The following NOX4 variants were observed in gnomAD, a reference collection of about 807,000 sequenced individuals.
NOX4 encodes the protein kidney oxidase-1.
Under a neutral mutation model 87.6 loss-of-function variants are expected in NOX4, and 69 were observed. The observed-to-expected ratio is 0.79, with a 90% confidence interval of 0.65 to 0.96. NOX4 has a LOEUF of 0.96. NOX4 is among the 40% of genes least tolerant of loss of function. NOX4 has a pLI of 0.00. For missense variants in NOX4, 680 were observed against 681.5 expected (o/e 1.00, Z 0.02); for synonymous variants, 275 against 238.2 (o/e 1.15, Z -1.42).
At chr11:89,449,677 A>G (rs1210290846) in intron 3 of NOX4, among the ~76,000 whole-genome samples, 153 bp from the exon 4 acceptor site, 1 of 152,178 alleles carries the variant, frequency 6.6e-6, no homozygotes. Context: ...TATCTAGTTA[A>G]TGGGACACCT....
chr11:89,449,219 G>A (rs931434750), intron 4 of NOX4, among the ~76,000 whole-genome samples: 3 of 152,144 alleles, frequency 2.0e-5, no homozygotes, highest in Admixed American at 1.3e-4. Context: ...AATTTTACGT[G>A]TGGTTTAAAA....
At chr11:89,382,762 T>C (rs317168) in intron 11 of NOX4, among the ~76,000 whole-genome samples, 82,035 of 151,844 alleles carry the variant, frequency 0.54, 23,275 homozygotes, top group East Asian at 0.73. Context: ...CTTACAGTTT[T>C]GTTCTGTGAC....
chr11:89,427,164 G>T (rs1943466779), intron 7 of NOX4, among the ~76,000 whole-genome samples: 1 of 152,186 alleles, frequency 6.6e-6, no homozygotes, highest in Non-Finnish European at 1.5e-5. Context: ...TGAGGGTCCT[G>T]ACTGTTAGAA....
intron 17 of NOX4, among the ~76,000 whole-genome samples, chr11:89,333,512 G>T (rs1945563398): frequency 6.6e-6 from 1 of 151,708 alleles, no homozygotes; most frequent in South Asian, 2.1e-4. Flanking sequence ...GGCCAGAAGG[G>T]TTTAATGCAA....
chr11:89,568,391 C>T, the NOX4 span, among the ~76,000 whole-genome samples: 32 of 152,250 alleles, frequency 2.1e-4, no homozygotes, highest in African/African-American at 7.5e-4. Context: ...TTACCAACAA[C>T]ATCCAAGCTG....
chr11:89,350,679 G>C (rs574272840), intron 13 of NOX4, among the ~76,000 whole-genome samples: 19 of 152,286 alleles, frequency 1.2e-4, no homozygotes, highest in Non-Finnish European at 2.6e-4. Flanking sequence ...ACATACAGCA[G>C]TGGTTGTGAA....
chr11:89,361,482 T>TA (rs1379657149), intron 12 of NOX4, among the ~76,000 whole-genome samples: 6 of 151,982 alleles, frequency 3.9e-5, no homozygotes, highest in African/African-American at 7.2e-5. Context: ...GGGTGAGGGA[T>TA]AAAAAACTAC....
intron 7 of NOX4, among the ~76,000 whole-genome samples, chr11:89,429,772 G>A (rs999938195): frequency 1.3e-5 from 2 of 152,048 alleles, no homozygotes; most frequent in East Asian, 3.9e-4. Flanking sequence ...TTCTACCAGA[G>A]GTACAAGGAG....
intron 14 of NOX4, 54 bp from the exon 15 acceptor site, chr11:89,340,225 A>C (rs1179733050): frequency 2.6e-6 from 3 of 1,148,856 alleles, no homozygotes; most frequent in East Asian, 4.8e-5. Flanking sequence ...CAAATATTAA[A>C]GAATTCGTAT....
At chr11:89,512,229 A>C in the NOX4 span, among the ~76,000 whole-genome samples, 4 of 152,084 alleles carry the variant, frequency 2.6e-5, no homozygotes, top group African/African-American at 7.2e-5. Flanking sequence ...AGACATATCC[A>C]TCATTGCCAA....
At chr11:89,589,402 A>G in the NOX4 span, 1 of 152,236 alleles carries the variant, frequency 6.6e-6, no homozygotes, top group South Asian at 2.1e-4. Context: ...TAGAAGCCCT[A>G]TGTAATACTA....
At chr11:89,529,730 G>A in the NOX4 span, among the ~76,000 whole-genome samples, 3 of 152,170 alleles carry the variant, frequency 2.0e-5, no homozygotes, top group Non-Finnish European at 4.4e-5. Context: ...CTTAAGTTCT[G>A]TCTCCAGACA....
At chr11:89,453,141 G>A (rs1355875407) in intron 2 of NOX4, among the ~76,000 whole-genome samples, 1 of 152,168 alleles carries the variant, frequency 6.6e-6, no homozygotes, top group East Asian at 1.9e-4. Context: ...TGCAAAAACA[G>A]GCCTATTTCC....
chr11:89,355,123 T>C, intron 12 of NOX4, 80 bp from the exon 13 acceptor site: 1 of 1,047,898 alleles, frequency 9.5e-7, no homozygotes, highest in South Asian at 1.5e-5. Context: ...TATTTCCTAT[T>C]GGTTTATTTT....
At chr11:89,339,130 GTATA>G (rs1384451089) in intron 15 of NOX4, among the ~76,000 whole-genome samples, 1 of 152,026 alleles carries the variant, frequency 6.6e-6, no homozygotes, top group Non-Finnish European at 1.5e-5. Flanking sequence ...GCACAAAGAG[GTATA>G]TATAATGATA....
chr11:89,564,743 G>GT, the NOX4 span, among the ~76,000 whole-genome samples: 1 of 117,586 alleles, frequency 8.5e-6, no homozygotes. Flanking sequence ...TGTTGTTGTT[G>GT]TTTGTTTTTT....
intron 7 of NOX4, among the ~76,000 whole-genome samples, chr11:89,426,193 C>T (rs1943393616): frequency 6.6e-6 from 1 of 152,156 alleles, no homozygotes; most frequent in Admixed American, 6.5e-5. Flanking sequence ...TGTTAATTTA[C>T]AGCAAGACAA....
chr11:89,435,809 G>A (rs1047360111), intron 6 of NOX4, among the ~76,000 whole-genome samples: 2 of 152,154 alleles, frequency 1.3e-5, no homozygotes, highest in Non-Finnish European at 2.9e-5. Flanking sequence ...TGCAAACTAA[G>A]GAGAATAAAT....
chr11:89,468,295 A>C lies in NOX4; in HGVS notation c.154-16400T>G, dbSNP rs566346139. On this transcript the variant is annotated intron_variant, in intron 2 of 17. Transcript: ENST00000263317. ...GACAGACATTCAAAAACTGAAGATA[A>C]AAGTGGTATAATTTCCTAAATCAAT... 9.8e-5 allele frequency among the ~76,000 whole-genome samples: 15 copies of C among 152,342 alleles called. No homozygotes were observed. The Middle Eastern group carries it at 0.01, about 104-fold the overall frequency.
Sources: gnomAD v4.1 joint callset for allele counts (sites outside exome capture counted in the v4.1 genomes callset) on GRCh38, gnomAD v4.1.1 for gene constraint, MANE v1.5 for transcripts, NCBI Gene and HGNC (gene_info 2026-07-23, HGNC 2026-07-21) for gene names.